Variants in CACNA1C observed in about 807,000 individuals in gnomAD.
The protein encoded by CACNA1C is calcium voltage-gated channel subunit alpha1 C, also known as voltage-dependent L-type calcium channel subunit alpha-1C.
Under a neutral mutation model 229.0 loss-of-function variants are expected in CACNA1C, and 30 were observed. The observed-to-expected ratio is 0.13, with a 90% CI of 0.10 to 0.18. The LOEUF is 0.18. CACNA1C is among the 10% of genes least tolerant of loss of function. The probability of loss-of-function intolerance (pLI) is 1.00; values close to 1 mark genes in which losing one functional copy is unlikely to be tolerated. For missense variants in CACNA1C, 1,658 were observed against 2,845.0 expected (o/e 0.58, Z 9.49); for synonymous variants, 1,114 against 1,132.5 (o/e 0.98, Z 0.33).
intron 1 of CACNA1C, among the ~76,000 whole-genome samples, chr12:2,095,264 A>G (rs906481501): frequency 2.6e-5 from 4 of 152,218 alleles, no homozygotes; most frequent in African/African-American, 9.6e-5. Context: ...ATAGACCAGA[A>G]GCAGGTCCAA....
intron 3 of CACNA1C, among the ~76,000 whole-genome samples, chr12:2,205,923 G>A (rs1242149247): frequency 1.3e-5 from 2 of 152,174 alleles, no homozygotes; most frequent in African/African-American, 4.8e-5. Context: ...GTCTCTAAGA[G>A]TGTTAATCTC....
In CACNA1C at chr12:2,629,462, T is replaced by C. The variant is rs141162438; in HGVS notation, c.3829-4835T>C. Among the ~76,000 whole-genome samples, 237 of 152,304 alleles carry C rather than the reference T, an allele frequency of 1.6e-3. 1 individual carries two copies. The highest frequency in any genetic ancestry group is 3.4e-3 in the Middle Eastern group (1 of 294). ...GAAAGCAATAAAAGATCAGGACACATGTGCCTTGTGGATGGGAGCAGAAGA... is the reference window on the plus strand; with the variant it reads ...GAAAGCAATAAAAGATCAGGACACACGTGCCTTGTGGATGGGAGCAGAAGA... On this transcript the variant is annotated intron_variant, in intron 29 of 46. Transcript: ENST00000399655.
At chr12:2,638,597 G>A (rs1179059038) in intron 30 of CACNA1C, among the ~76,000 whole-genome samples, 1 of 152,220 alleles carries the variant, frequency 6.6e-6, no homozygotes, top group African/African-American at 2.4e-5. Context: ...GAAGGCAAAT[G>A]CAGTCATCCA....
intron 3 of CACNA1C, among the ~76,000 whole-genome samples, chr12:2,429,962 G>A (rs2099067144): frequency 6.6e-6 from 1 of 152,174 alleles, no homozygotes; most frequent in Admixed American, 6.5e-5. Flanking sequence ...CTGTAAACTG[G>A]GGTATTTCCT....
In CACNA1C at chr12:2,575,462, C is replaced by T. The variant is rs1302968404; in HGVS notation, c.1896-6128C>T. ...GACGGAAGCTCTGCTCTGAGGACACCCCCTCCTGTGCTCACTTGCTGGATG... is the reference window on the plus strand; with the variant it reads ...GACGGAAGCTCTGCTCTGAGGACACTCCCTCCTGTGCTCACTTGCTGGATG... On this transcript the variant is annotated intron_variant, in intron 13 of 46. Coordinates refer to ENST00000399655, the MANE Select transcript of CACNA1C (RefSeq NM_000719.7). The surrounding 1 kb of genome is among the most constrained non-coding windows in gnomAD (Gnocchi z 4.0). 6.6e-6 allele frequency among the ~76,000 whole-genome samples: 1 copy of T among 152,170 alleles called. No homozygotes were observed. The highest frequency in any genetic ancestry group is 1.5e-5 in the Non-Finnish European group (1 of 68,004).
intron 3 of CACNA1C, among the ~76,000 whole-genome samples, chr12:2,159,513 A>G: frequency 6.6e-6 from 1 of 152,126 alleles, no homozygotes; most frequent in South Asian, 2.1e-4. Flanking sequence ...AAATAAATAA[A>G]TTAAATGTAT....
Position 2,651,052 on chromosome 12 carries a change from A to C in CACNA1C, c.3946-588A>C, listed in dbSNP as rs1603339564. ...GACAGGGGCTGTGGAAAGTAGAAGGAGGTGATACAAGGAAAGTGCTGGAGT... is the reference window on the plus strand; with the variant it reads ...GACAGGGGCTGTGGAAAGTAGAAGGCGGTGATACAAGGAAAGTGCTGGAGT... On this transcript the variant is annotated intron_variant, in intron 31 of 46. Coordinates refer to ENST00000399655, the MANE Select transcript of CACNA1C (RefSeq NM_000719.7). The surrounding 1 kb of genome is among the most constrained non-coding windows in gnomAD (Gnocchi z 5.4). The C allele has an allele frequency of 6.5e-6, 1 of 153,144 alleles. No homozygotes were observed. Among genetic ancestry groups the C allele is most frequent in the East Asian group, 1.9e-4 (1 of 5,194 alleles). 9.5% of individuals were successfully genotyped at this position (153,144 alleles called of 1,614,324 possible).
chr12:2,326,497 C>G (rs1387178764), intron 3 of CACNA1C, among the ~76,000 whole-genome samples: 1 of 152,130 alleles, frequency 6.6e-6, no homozygotes, highest in Admixed American at 6.5e-5. Context: ...CTCGAAAGTC[C>G]CAGGCTCCTT....
intron 3 of CACNA1C, chr12:2,269,644 G>T (rs2083943679): frequency 6.6e-6 from 1 of 152,210 alleles, no homozygotes; most frequent in Admixed American, 6.5e-5. Flanking sequence ...TACGGACAAA[G>T]AATGGGTACC....
chr12:2,449,572 C>T (rs543871624), intron 4 of CACNA1C, among the ~76,000 whole-genome samples: 1 of 152,314 alleles, frequency 6.6e-6, no homozygotes, highest in Admixed American at 6.5e-5. Context: ...GGGCTTCAGG[C>T]AAGAAGAAAG....
Position 2,565,477 on chromosome 12 carries a change from A to ACTT in CACNA1C, c.1509-945_1509-944insCTT, listed in dbSNP as rs1491010331. Among the ~76,000 whole-genome samples, 20 of 1,126 alleles carry ACTT rather than the reference A, an allele frequency of 0.018. No homozygotes were observed. The Admixed American group carries it at 0.18, about 10-fold the overall frequency. The allele number at this position is 1,126 out of a possible 152,430, so 0.7% of individuals were successfully genotyped here. A position where few individuals can be genotyped will look rare whatever the true frequency, so the allele number is the denominator to read the frequency against. On this transcript the variant is annotated intron_variant, in intron 11 of 46. Transcript: ENST00000399655. ...CGACAGAGCGAGACTCCGTCTCAGA[A>ACTT]AAAAAAAAAAAAAAAAAAATACCCA...
chr12:2,664,706 G>A, intron 34 of CACNA1C, 119 bp from the exon 35 acceptor site: 2 of 726,646 alleles, frequency 2.8e-6, no homozygotes, highest in Non-Finnish European at 4.2e-6. Flanking sequence ...TGAACATCAA[G>A]TTCATTTTAG....
At chr12:2,328,435 G>T (rs2096417163) in intron 3 of CACNA1C, among the ~76,000 whole-genome samples, 1 of 152,186 alleles carries the variant, frequency 6.6e-6, no homozygotes, top group Admixed American at 6.5e-5. Context: ...ACTTAGTACT[G>T]ACCCCAGAAT....
Position 2,597,179 on chromosome 12 carries a change from C to A in CACNA1C, c.2794-51C>A. On this transcript the variant is annotated intron_variant, in intron 20 of 46. Coordinates refer to ENST00000399655, the MANE Select transcript of CACNA1C (RefSeq NM_000719.7). The surrounding 1 kb of genome is among the most constrained non-coding windows in gnomAD (Gnocchi z 4.3). ...TCCACTGACCTCTCTTCCCGTCCTG[C>A]TTTTCTCCCTTCCCCATCCCATCCC... 8.3e-7 allele frequency: 1 copy of A among 1,211,230 alleles called. No homozygotes were observed. The highest frequency in any genetic ancestry group is 1.2e-6 in the Non-Finnish European group (1 of 818,838). 75.0% of individuals were successfully genotyped at this position (1,211,230 alleles called of 1,614,324 possible).
Position 2,537,933 on chromosome 12 carries a change from T to C in CACNA1C, c.1391-12010T>C, listed in dbSNP as rs559296851. Among the ~76,000 whole-genome samples, 9 of 152,216 alleles carry C rather than the reference T, an allele frequency of 5.9e-5. No individual in the cohort carries two copies. The East Asian group carries it at 1.7e-3, about 30-fold the overall frequency. ...GGGAGTGTGCCAAAGTTCAAGAGTTTGTTGGGTGCAGCTAAACTTACTGCC... is the reference window on the plus strand; with the variant it reads ...GGGAGTGTGCCAAAGTTCAAGAGTTCGTTGGGTGCAGCTAAACTTACTGCC... On this transcript the variant is annotated intron_variant, in intron 9 of 46. Transcript: ENST00000399655.
At chr12:2,474,848 A>T (rs1597426440) in intron 5 of CACNA1C, among the ~76,000 whole-genome samples, 1 of 152,304 alleles carries the variant, frequency 6.6e-6, no homozygotes, top group South Asian at 2.1e-4. Context: ...ATTCAGATCA[A>T]CTGTCCTGCC....
At chr12:2,151,015 A>G (rs2095205568) in intron 3 of CACNA1C, among the ~76,000 whole-genome samples, 1 of 152,088 alleles carries the variant, frequency 6.6e-6, no homozygotes, top group Non-Finnish European at 1.5e-5. Flanking sequence ...GGCTGAGTTC[A>G]CTGTTGGTCT....
chr12:2,089,980 G>A (rs974073094), intron 1 of CACNA1C, among the ~76,000 whole-genome samples: 3 of 152,060 alleles, frequency 2.0e-5, no homozygotes, highest in Admixed American at 6.6e-5. Context: ...GGTGAGCTGC[G>A]ATCATGCCAT....
At chr12:2,237,097 A>G (rs1415438420) in intron 3 of CACNA1C, among the ~76,000 whole-genome samples, 1 of 152,162 alleles carries the variant, frequency 6.6e-6, no homozygotes, top group Non-Finnish European at 1.5e-5. Flanking sequence ...TGTGGGGCAT[A>G]TGCCAAGTCC....
Sources: allele counts gnomAD v4.1 joint callset (sites outside exome capture counted in the v4.1 genomes callset), GRCh38; gene constraint gnomAD v4.1.1; non-coding constraint Gnocchi (gnomAD v3.1); transcripts MANE v1.5; gene names NCBI Gene and HGNC (gene_info 2026-07-23, HGNC 2026-07-21).